Variants in TLE4 observed in about 807,000 individuals in gnomAD.
The protein encoded by TLE4 is TLE family member 4, transcriptional corepressor.
A neutral mutation model predicts 92.8 loss-of-function variants in TLE4; 8 were observed. The ratio of observed to expected loss-of-function variants is 0.09; its 90% CI spans 0.05 to 0.16. The LOEUF is 0.16. TLE4 is among the 10% of genes least tolerant of loss of function. The pLI, the probability that TLE4 is intolerant of heterozygous loss-of-function variation, is 1.00. For missense variants in TLE4, 675 were observed against 997.6 expected, an observed-to-expected ratio of 0.68 and a Z score of 4.36; for synonymous variants, 371 against 374.1, an observed-to-expected ratio of 0.99 and a Z score of 0.10.
chr9:79,612,619 T>C (rs780237059), intron 4 of TLE4, 37 bp from the exon 5 acceptor site: 34 of 1,573,502 alleles, frequency 2.2e-5, no homozygotes, highest in Non-Finnish European at 2.9e-5. Flanking sequence ...CAGCTGACTG[T>C]TCTCTTTATT....
intron 4 of TLE4, among the ~76,000 whole-genome samples, chr9:79,587,274 A>G (rs931413466): frequency 4.6e-5 from 7 of 152,216 alleles, no homozygotes; most frequent in Admixed American, 3.9e-4. Context: ...TTCGTTTCTG[A>G]GTGCTTAGGG....
chr9:79,618,766 G>C (rs2050251614), intron 5 of TLE4, among the ~76,000 whole-genome samples: 1 of 151,988 alleles, frequency 6.6e-6, no homozygotes, highest in South Asian at 2.1e-4. Flanking sequence ...GAGCACACCT[G>C]GGGGCCTGCA....
intron 4 of TLE4, among the ~76,000 whole-genome samples, chr9:79,599,211 A>C (rs1395758306): frequency 6.6e-5 from 10 of 152,134 alleles, no homozygotes; most frequent in Admixed American, 3.3e-4. Flanking sequence ...ATAAAGTTCA[A>C]ACCCCTTAGT....
chr9:79,701,108 T>A (rs1565028239), intron 8 of TLE4, among the ~76,000 whole-genome samples: 2 of 152,226 alleles, frequency 1.3e-5, no homozygotes, highest in African/African-American at 2.4e-5. Flanking sequence ...AAGATCCAAG[T>A]GGCATTCCTG....
At chr9:79,675,560 C>A (rs2063125277) in intron 8 of TLE4, among the ~76,000 whole-genome samples, 1 of 152,148 alleles carries the variant, frequency 6.6e-6, no homozygotes, top group African/African-American at 2.4e-5. Flanking sequence ...CTTCATTTAA[C>A]CAACCACTTT....
chr9:79,704,015 C>T (rs558883506), intron 8 of TLE4, among the ~76,000 whole-genome samples: 2 of 152,000 alleles, frequency 1.3e-5, no homozygotes, highest in Non-Finnish European at 2.9e-5. Context: ...ATGCTGGCTT[C>T]CCATTAGCCA....
chr9:79,625,575 G>T (rs186244153), intron 5 of TLE4, among the ~76,000 whole-genome samples: 2,063 of 149,776 alleles, frequency 0.014, 23 homozygotes, highest in Non-Finnish European at 0.019. Flanking sequence ...TTTTTTTTTT[G>T]TTTTCCAAGT....
intron 13 of TLE4, among the ~76,000 whole-genome samples, 187 bp from the exon 14 acceptor site, chr9:79,709,436 C>A (rs1309715112): frequency 6.6e-6 from 1 of 152,072 alleles, no homozygotes; most frequent in Non-Finnish European, 1.5e-5. Context: ...TGTTCCACCC[C>A]CAAGTATGTT....
At chr9:79,660,682 A>T (rs2060400341) in intron 8 of TLE4, among the ~76,000 whole-genome samples, 1 of 152,240 alleles carries the variant, frequency 6.6e-6, no homozygotes, top group Admixed American at 6.5e-5. Context: ...GTATTAATTG[A>T]TACCTGCCTC....
At chr9:79,702,657 A>C (rs2070278346) in intron 8 of TLE4, among the ~76,000 whole-genome samples, 1 of 152,184 alleles carries the variant, frequency 6.6e-6, no homozygotes, top group Non-Finnish European at 1.5e-5. Context: ...TTAAGGCTGA[A>C]CGTTTGATAG....
intron 4 of TLE4, among the ~76,000 whole-genome samples, chr9:79,597,658 T>C (rs969648495): frequency 3.3e-5 from 5 of 152,128 alleles, no homozygotes; most frequent in Non-Finnish European, 7.4e-5. Context: ...CAGAAACCCA[T>C]AGAGGCAGCT....
chr9:79,650,233 T>C (rs1163762612), intron 6 of TLE4, among the ~76,000 whole-genome samples: 1 of 152,250 alleles, frequency 6.6e-6, no homozygotes, highest in East Asian at 1.9e-4. Flanking sequence ...TTTTTTGGTC[T>C]AATGTAATAG....
At chr9:79,676,423 C>T (rs888749655) in intron 8 of TLE4, among the ~76,000 whole-genome samples, 2 of 152,022 alleles carry the variant, frequency 1.3e-5, no homozygotes, top group Non-Finnish European at 2.9e-5. Context: ...CCTTAGGCTG[C>T]CCCAACAATT....
chr9:79,719,020 G>A, intron 15 of TLE4, 49 bp downstream of exon 15: 5 of 1,568,494 alleles, frequency 3.2e-6, no homozygotes, highest in Admixed American at 1.7e-5. Flanking sequence ...CAGAAAACAG[G>A]AGGGGCTGAT....
At chr9:79,687,821 C>T (rs1451721252) in intron 8 of TLE4, among the ~76,000 whole-genome samples, 1 of 152,144 alleles carries the variant, frequency 6.6e-6, no homozygotes, top group Non-Finnish European at 1.5e-5. Flanking sequence ...TTACTTCGTC[C>T]CCTAGGATTC....
Position 79,576,190 on chromosome 9 carries a change from T to G in TLE4, c.252+13T>G. 1 of 1,519,290 alleles carries G rather than the reference T, an allele frequency of 6.6e-7. No individual in the cohort carries two copies. The highest frequency in any genetic ancestry group is 8.9e-7 in the Non-Finnish European group (1 of 1,119,870). 94.1% of individuals were successfully genotyped at this position (1,519,290 alleles called of 1,614,324 possible). ...AATGCACAAGCAGGTAAGTTATTTC[T>G]TTATAACCATTTTAAATGACAGTAA... is the stretch of plus-strand genomic sequence containing the variant. On this transcript the variant is annotated intron_variant, in intron 4 of 19. Coordinates refer to ENST00000376552, the MANE Select transcript of TLE4 (RefSeq NM_007005.6).
At chr9:79,667,191 G>A (rs1387261835) in intron 8 of TLE4, among the ~76,000 whole-genome samples, 1 of 152,152 alleles carries the variant, frequency 6.6e-6, no homozygotes. Flanking sequence ...GTGGGCCTGG[G>A]GTGTTAGGGC....
chr9:79,577,891 T>C (rs1408716489), intron 4 of TLE4, among the ~76,000 whole-genome samples: 1 of 152,214 alleles, frequency 6.6e-6, no homozygotes, highest in Non-Finnish European at 1.5e-5. Flanking sequence ...CCCTTAATTT[T>C]ACACATTTTA....
chr9:79,706,413 T>C (rs1291797917), intron 10 of TLE4, among the ~76,000 whole-genome samples: 2 of 152,064 alleles, frequency 1.3e-5, no homozygotes, highest in Admixed American at 1.3e-4. Flanking sequence ...TCATTGTTCT[T>C]ATTCTATTAA....
Sources: gnomAD v4.1 joint callset for allele counts (sites outside exome capture counted in the v4.1 genomes callset) on GRCh38, gnomAD v4.1.1 for gene constraint, MANE v1.5 for transcripts, NCBI Gene and HGNC (gene_info 2026-07-23, HGNC 2026-07-21) for gene names.